RALGPS1: variants seen among roughly 807,000 people sequenced by gnomAD.
RALGPS1 encodes ras-specific guanine nucleotide-releasing factor RalGPS1.
A neutral mutation model predicts 78.8 loss-of-function variants in RALGPS1; 19 were observed. That is an observed-to-expected ratio of 0.24 (90% CI 0.17 to 0.35). The LOEUF (loss-of-function observed/expected upper bound fraction) is 0.35, where lower values mean the gene tolerates loss of function less well. RALGPS1 is among the 10% of genes least tolerant of loss of function. The probability of loss-of-function intolerance (pLI) is 1.00; values close to 1 mark genes in which losing one functional copy is unlikely to be tolerated. For synonymous variants in RALGPS1, 228 were observed against 256.3 expected (o/e 0.89, Z 1.06); for missense variants, 454 against 688.3 (o/e 0.66, Z 3.81).
At chr9:127,136,688 TC>T (rs1306214205) in intron 8 of RALGPS1, among the ~76,000 whole-genome samples, 1 of 151,994 alleles carries the variant, frequency 6.6e-6, no homozygotes, top group Non-Finnish European at 1.5e-5. Flanking sequence ...TTGCAAGCTC[TC>T]CCCACCATCA....
At chr9:127,199,900 A>G (rs979954864) in intron 14 of RALGPS1, among the ~76,000 whole-genome samples, 1 of 145,908 alleles carries the variant, frequency 6.9e-6, no homozygotes, top group Middle Eastern at 3.2e-3. Flanking sequence ...GGCCCTGGGC[A>G]CACACACACA....
At chr9:127,209,000 C>G (rs1198608611) in intron 14 of RALGPS1, among the ~76,000 whole-genome samples, 2 of 152,164 alleles carry the variant, frequency 1.3e-5, no homozygotes, top group East Asian at 3.9e-4. Context: ...GCAAAGGGGC[C>G]AGAGGGCCCT....
intron 8 of RALGPS1, among the ~76,000 whole-genome samples, chr9:127,074,129 G>A (rs540580839): frequency 6.6e-6 from 1 of 152,268 alleles, no homozygotes; most frequent in Admixed American, 6.5e-5. Flanking sequence ...TGATCTGCCT[G>A]CCTCAGCCTC....
chr9:127,076,172 G>T (rs891588710), intron 8 of RALGPS1, among the ~76,000 whole-genome samples: 2 of 152,246 alleles, frequency 1.3e-5, no homozygotes, highest in African/African-American at 4.8e-5. Flanking sequence ...TACCCGGTTA[G>T]ATTGGAATGA....
chr9:127,074,175 C>T (rs1691074468), intron 8 of RALGPS1, among the ~76,000 whole-genome samples: 2 of 152,192 alleles, frequency 1.3e-5, no homozygotes, highest in Non-Finnish European at 2.9e-5. Context: ...AGCCATGGTG[C>T]CTGGCCGAGA....
At chr9:126,959,572 A>G (rs2038682518) in intron 1 of RALGPS1, among the ~76,000 whole-genome samples, 1 of 148,726 alleles carries the variant, frequency 6.7e-6, no homozygotes, top group Non-Finnish European at 1.5e-5. Flanking sequence ...TTCTCTAAGG[A>G]AAAACTTTAC....
intron 1 of RALGPS1, among the ~76,000 whole-genome samples, chr9:126,947,946 C>T (rs1464599221): frequency 6.6e-6 from 1 of 152,038 alleles, no homozygotes; most frequent in Non-Finnish European, 1.5e-5. Flanking sequence ...AGGTTTTTTT[C>T]CTTAACAGAT....
chr9:127,093,879 T>C (rs1408796248), intron 8 of RALGPS1: 4 of 1,613,968 alleles, frequency 2.5e-6, no homozygotes, highest in Non-Finnish European at 3.4e-6. Flanking sequence ...TAGATGGAGC[T>C]GGTGTCGTGG....
Position 126,952,669 on chromosome 9 carries a change from GTGTGTGTGTGTC to G in RALGPS1, c.-65-9548_-65-9537del, listed in dbSNP as rs758584578. Among the ~76,000 whole-genome samples the G allele has an allele frequency of 2.5e-3, 373 of 150,546 alleles. 3 individuals carry two copies. Among genetic ancestry groups the G allele is most frequent in the East Asian group, 3.2e-3 (16 of 5,006 alleles). On this transcript the variant is annotated intron_variant, in intron 1 of 18. Coordinates refer to ENST00000259351, the MANE Select transcript of RALGPS1 (RefSeq NM_014636.3). ...AGAGAGAGAGAGAGTGTGTGTGTGTGTGTGTGTGTGTCTGTGTGTCTGTGTGTCTGTGCGCAT... is the reference window on the plus strand; with the variant it reads ...AGAGAGAGAGAGAGTGTGTGTGTGTGTGTGTGTCTGTGTGTCTGTGCGCAT...
At chr9:127,103,044 T>G (rs1472874789) in intron 8 of RALGPS1, among the ~76,000 whole-genome samples, 1 of 152,202 alleles carries the variant, frequency 6.6e-6, no homozygotes, top group Non-Finnish European at 1.5e-5. Flanking sequence ...CTCTCTGCAG[T>G]GCTTGGGCCT....
Position 127,088,876 on chromosome 9 carries a change from T to C in RALGPS1, c.610+19520T>C, listed in dbSNP as rs551478026. On this transcript the variant is annotated intron_variant, in intron 8 of 18. Coordinates refer to ENST00000259351, the MANE Select transcript of RALGPS1 (RefSeq NM_014636.3). ...TGGTGAGGAGTTGTTCTTTGTGCTG[T>C]GGCCAGCGTGACCAGGGTGGGCTCC... is the stretch of plus-strand genomic sequence containing the variant. The C allele has an allele frequency of 2.6e-5, 41 of 1,591,028 alleles. No individual in the cohort carries two copies. In the African/African-American group the frequency reaches 4.7e-4, roughly 18 times the overall value.
chr9:126,990,029 G>A (rs978440270), intron 4 of RALGPS1: 17 of 1,548,394 alleles, frequency 1.1e-5, no homozygotes, highest in South Asian at 4.8e-5. Context: ...TCTGGATGCC[G>A]TTTGCCTGCT....
chr9:126,995,218 T>G (rs1203278325), intron 4 of RALGPS1, among the ~76,000 whole-genome samples: 1 of 152,126 alleles, frequency 6.6e-6, no homozygotes, highest in Non-Finnish European at 1.5e-5. Flanking sequence ...ATGCTCCAAT[T>G]AAAAGACACA....
intron 8 of RALGPS1, among the ~76,000 whole-genome samples, chr9:127,117,262 A>G (rs2055533988): frequency 6.6e-6 from 1 of 152,112 alleles, no homozygotes; most frequent in African/African-American, 2.4e-5. Flanking sequence ...TCAACACCCA[A>G]GACTCAGATT....
chr9:126,971,366 A>T (rs373178178), intron 3 of RALGPS1, among the ~76,000 whole-genome samples: 16 of 148,728 alleles, frequency 1.1e-4, no homozygotes, highest in Admixed American at 4.0e-4. Context: ...CTAAAGACAT[A>T]TTTTTTTTTT....
chr9:126,991,317 G>A lies in RALGPS1; in HGVS notation c.216+13572G>A, dbSNP rs547799937. Among the ~76,000 whole-genome samples the A allele has an allele frequency of 1.6e-4, 25 of 152,300 alleles. 1 individual carries two copies. In the South Asian group the frequency reaches 5.2e-3, roughly 32 times the overall value. On this transcript the variant is annotated intron_variant, in intron 4 of 18. Coordinates refer to ENST00000259351, the MANE Select transcript of RALGPS1 (RefSeq NM_014636.3). ...GGGTGGGGAGAGGCTACTGGGGCAG[G>A]AGTCTGAACTGGCTGCACACACAGG... is the stretch of plus-strand genomic sequence containing the variant.
At chr9:127,074,789 A>G (rs974550371) in intron 8 of RALGPS1, among the ~76,000 whole-genome samples, 16 of 152,210 alleles carry the variant, frequency 1.1e-4, no homozygotes, top group Non-Finnish European at 2.4e-4. Flanking sequence ...CTGGGCCCAG[A>G]TGGCCTGGCT....
At chr9:127,046,845 A>G (rs908012975) in intron 5 of RALGPS1, among the ~76,000 whole-genome samples, 4 of 152,168 alleles carry the variant, frequency 2.6e-5, no homozygotes, top group African/African-American at 2.4e-5. Flanking sequence ...TCAGAAGGCA[A>G]ATAATACAAA....
At position 127,212,051 on chromosome 9, in the gene RALGPS1, C is replaced by A; in HGVS notation, c.1248-80C>A. 2 of 1,103,754 alleles carry A rather than the reference C, an allele frequency of 1.8e-6. No homozygotes were observed. The highest frequency in any genetic ancestry group is 2.6e-6 in the Non-Finnish European group (2 of 766,856). 68.4% of individuals were successfully genotyped at this position (1,103,754 alleles called of 1,614,324 possible). A position where few individuals can be genotyped will look rare whatever the true frequency, so the allele number is the denominator to read the frequency against. Reference sequence around the variant, plus strand: ...GGATGTCATGGACTTGGTAGTGGGGCACCTGTGGTCCCCAGTGAGTGAGAG... The same window carrying A: ...GGATGTCATGGACTTGGTAGTGGGGAACCTGTGGTCCCCAGTGAGTGAGAG... On this transcript the variant is annotated intron_variant, in intron 14 of 18. Coordinates refer to ENST00000259351, the MANE Select transcript of RALGPS1 (RefSeq NM_014636.3). This position sits in a 1 kb window ranked among gnomAD's most constrained non-coding sequence, Gnocchi z 6.0.
Sources: gnomAD v4.1 joint callset for allele counts (sites outside exome capture counted in the v4.1 genomes callset) on GRCh38, gnomAD v4.1.1 for gene constraint, Gnocchi (gnomAD v3.1) non-coding constraint, MANE v1.5 for transcripts, NCBI Gene and HGNC (gene_info 2026-07-23, HGNC 2026-07-21) for gene names.